The following RAB28 variants were observed in gnomAD, a reference collection of about 807,000 sequenced individuals.
RAB28 encodes the protein RAB28, member RAS oncogene family.
Under a neutral mutation model 31.7 loss-of-function variants are expected in RAB28, and 24 were observed. The ratio of observed to expected loss-of-function variants is 0.76; its 90% CI spans 0.55 to 1.06. The LOEUF (loss-of-function observed/expected upper bound fraction) is 1.06. RAB28 is among the 50% of genes least tolerant of loss of function. The pLI, the probability that RAB28 is intolerant of heterozygous loss-of-function variation, is 0.00. For synonymous variants in RAB28, 100 were observed against 90.4 expected (o/e 1.11, Z -0.60); for missense variants, 254 against 258.5 (o/e 0.98, Z 0.12).
intron 4 of RAB28, among the ~76,000 whole-genome samples, chr4:13,391,783 T>C (rs1729641452): frequency 1.3e-5 from 2 of 152,030 alleles, no homozygotes; most frequent in African/African-American, 2.4e-5. Flanking sequence ...GAAACCATCA[T>C]TTTCAGCAAA....
At chr4:13,477,808 A>G (rs1038022784) in intron 2 of RAB28, among the ~76,000 whole-genome samples, 3 of 151,592 alleles carry the variant, frequency 2.0e-5, no homozygotes, top group Non-Finnish European at 3.0e-5. Flanking sequence ...TTTCAAGAAT[A>G]TCAAATATTT....
intron 4 of RAB28, among the ~76,000 whole-genome samples, chr4:13,409,594 A>G (rs946301366): frequency 6.6e-6 from 1 of 152,192 alleles, no homozygotes; most frequent in African/African-American, 2.4e-5. Context: ...CTGCTGGTCC[A>G]CATGATTTCT....
chr4:13,390,082 T>A (rs1469432506), intron 4 of RAB28, among the ~76,000 whole-genome samples: 1 of 151,992 alleles, frequency 6.6e-6, no homozygotes, highest in African/African-American at 2.4e-5. Context: ...GAAAGAAATA[T>A]AAGGTATTAA....
chr4:13,393,313 A>G (rs1729729402), intron 4 of RAB28, among the ~76,000 whole-genome samples: 1 of 152,204 alleles, frequency 6.6e-6, no homozygotes, highest in African/African-American at 2.4e-5. Flanking sequence ...ATTCTTCTCA[A>G]AAGGAATATG....
intron 4 of RAB28, among the ~76,000 whole-genome samples, chr4:13,388,138 A>T (rs1252550229): frequency 6.6e-6 from 1 of 152,062 alleles, no homozygotes; most frequent in African/African-American, 2.4e-5. Flanking sequence ...CATAAAAGCA[A>T]TGCTAATTAA....
chr4:13,407,110 G>A (rs1367408986), intron 4 of RAB28, among the ~76,000 whole-genome samples: 1 of 152,136 alleles, frequency 6.6e-6, no homozygotes, highest in African/African-American at 2.4e-5. Flanking sequence ...ATATTGCCTA[G>A]GTTTTCTTCT....
chr4:13,455,370 T>A (rs1308725932), intron 4 of RAB28, among the ~76,000 whole-genome samples: 1 of 152,192 alleles, frequency 6.6e-6, no homozygotes, highest in Non-Finnish European at 1.5e-5. Flanking sequence ...AGACTTTTCC[T>A]CTTACTTGAG....
At chr4:13,459,808 A>G in intron 4 of RAB28, 1 of 1,236,442 alleles carries the variant, frequency 8.1e-7, no homozygotes, top group African/African-American at 1.6e-5. Flanking sequence ...CTAAAATAGG[A>G]GATCATTCAA....
chr4:13,479,586 C>G (rs554720188), intron 1 of RAB28, 60 bp from the exon 2 acceptor site: 1 of 1,120,888 alleles, frequency 8.9e-7, no homozygotes, highest in Middle Eastern at 2.1e-4. Flanking sequence ...AATCATAAGA[C>G]CACTATAAAT....
At chr4:13,480,494 T>G (rs1188688036) in intron 1 of RAB28, among the ~76,000 whole-genome samples, 1 of 151,838 alleles carries the variant, frequency 6.6e-6, no homozygotes, top group East Asian at 1.9e-4. Context: ...CTTAAAATAA[T>G]GAAAACTAAG....
chr4:13,472,903 C>T (rs922246442), intron 3 of RAB28, among the ~76,000 whole-genome samples: 8 of 151,802 alleles, frequency 5.3e-5, no homozygotes, highest in African/African-American at 1.9e-4. Context: ...GAAAAATGAA[C>T]ATGCATAAAA....
In RAB28 at chr4:13,440,678, G is replaced by T. The variant is rs185838819; in HGVS notation, c.391+20021C>A. 2.7e-3 allele frequency among the ~76,000 whole-genome samples: 406 copies of T among 152,172 alleles called. 4 individuals carry two copies. The highest frequency in any genetic ancestry group is 3.0e-3 in the Non-Finnish European group (203 of 67,992). On this transcript the variant is annotated intron_variant, in intron 4 of 6. Transcript: ENST00000330852. ...ATCAGATCACAATGGCTCTGATGTG[G>T]ACTGAATTGTATCACCCCAGAATTA... is the stretch of plus-strand genomic sequence containing the variant.
intron 3 of RAB28, among the ~76,000 whole-genome samples, chr4:13,462,015 A>C (rs73817406): frequency 0.016 from 2,426 of 152,334 alleles, 71 homozygotes; most frequent in African/African-American, 0.055. Flanking sequence ...CCAAAGACTA[A>C]ATAATTAAAA....
At chr4:13,478,284 C>T (rs1296855479) in intron 2 of RAB28, among the ~76,000 whole-genome samples, 1 of 151,554 alleles carries the variant, frequency 6.6e-6, no homozygotes, top group Non-Finnish European at 1.5e-5. Flanking sequence ...ATATGTTTCT[C>T]CTTAAACCTC....
At chr4:13,410,640 C>A (rs1712389670) in intron 4 of RAB28, among the ~76,000 whole-genome samples, 1 of 152,000 alleles carries the variant, frequency 6.6e-6, no homozygotes, top group Non-Finnish European at 1.5e-5. Flanking sequence ...AATGTGAGGC[C>A]ACAGAGCTGT....
chr4:13,447,197 A>C (rs1191287329), intron 4 of RAB28, among the ~76,000 whole-genome samples: 1 of 152,098 alleles, frequency 6.6e-6, no homozygotes, highest in Non-Finnish European at 1.5e-5. Context: ...ACTCTTATCC[A>C]CTATAGCATA....
At chr4:13,435,009 C>G (rs937721579) in intron 4 of RAB28, among the ~76,000 whole-genome samples, 1 of 132,386 alleles carries the variant, frequency 7.6e-6, no homozygotes, top group Non-Finnish European at 1.6e-5. Flanking sequence ...CAGAGCAAGA[C>G]TCCGTCTCAA....
At chr4:13,416,635 G>C (rs373202141) in intron 4 of RAB28, among the ~76,000 whole-genome samples, 2 of 152,298 alleles carry the variant, frequency 1.3e-5, no homozygotes, top group South Asian at 2.1e-4. Flanking sequence ...AAATAATTAA[G>C]AATGGGGGTG....
intron 4 of RAB28, among the ~76,000 whole-genome samples, chr4:13,386,114 T>A (rs1433506442): frequency 6.6e-6 from 1 of 151,952 alleles, no homozygotes; most frequent in Non-Finnish European, 1.5e-5. Context: ...CAAACTCTGA[T>A]AAAATATTAA....
Sources: allele counts gnomAD v4.1 joint callset (sites outside exome capture counted in the v4.1 genomes callset), GRCh38; gene constraint gnomAD v4.1.1; transcripts MANE v1.5; gene names NCBI Gene and HGNC (gene_info 2026-07-23, HGNC 2026-07-21).